NTNG1: variants seen among roughly 807,000 people sequenced by gnomAD.
The protein encoded by NTNG1 is netrin G1, also known as netrin-G1.
NTNG1 carries 16 observed loss-of-function variants against 54.0 expected under a neutral mutation model. That is an observed-to-expected ratio of 0.30 (90% CI 0.20 to 0.45). The LOEUF (loss-of-function observed/expected upper bound fraction) is 0.45, where lower values mean the gene tolerates loss of function less well. Among genes scored for constraint, NTNG1 ranks in the 20% least tolerant of loss-of-function variants. NTNG1 has a pLI of 1.00. For synonymous variants in NTNG1, 255 were observed against 263.1 expected, an observed-to-expected ratio of 0.97 and a Z score of 0.30; for missense variants, 530 against 678.7, an observed-to-expected ratio of 0.78 and a Z score of 2.43.
intron 3 of NTNG1, among the ~76,000 whole-genome samples, chr1:107,360,101 G>A (rs1453761531): frequency 1.3e-5 from 2 of 152,108 alleles, no homozygotes; most frequent in African/African-American, 4.8e-5. Flanking sequence ...CCTGACAACC[G>A]ACCAACCCTT....
At chr1:107,180,848 G>A (rs999355875) in intron 2 of NTNG1, among the ~76,000 whole-genome samples, 1 of 152,170 alleles carries the variant, frequency 6.6e-6, no homozygotes, top group Non-Finnish European at 1.5e-5. Context: ...TGTGTGGTTA[G>A]TATCGCCTAG....
In NTNG1 at chr1:107,241,725, T is replaced by C. The variant is rs75805736; in HGVS notation, c.247-82557T>C. Among the ~76,000 whole-genome samples the C allele has an allele frequency of 3.9e-4, 60 of 152,262 alleles. No homozygotes were observed. The East Asian group carries it at 0.011, about 28-fold the overall frequency. ...GCACAAGGGCATCACTACTATACCA[T>C]GTTTTAAAAAATTTGATTGCTTAAT... is the stretch of plus-strand genomic sequence containing the variant. On this transcript the variant is annotated intron_variant, in intron 2 of 7. Transcript: ENST00000370068.
intron 3 of NTNG1, among the ~76,000 whole-genome samples, chr1:107,390,438 A>C (rs1171814595): frequency 6.6e-6 from 1 of 152,166 alleles, no homozygotes; most frequent in African/African-American, 2.4e-5. Context: ...ACATTGTTTA[A>C]GAAGCTCTTG....
chr1:107,294,366 G>A (rs916790569), intron 2 of NTNG1, among the ~76,000 whole-genome samples: 2 of 152,158 alleles, frequency 1.3e-5, no homozygotes, highest in South Asian at 2.1e-4. Flanking sequence ...TTGCACCCCC[G>A]AGGGAGTCCC....
chr1:107,345,352 A>G (rs1669154047), intron 3 of NTNG1, among the ~76,000 whole-genome samples: 1 of 152,174 alleles, frequency 6.6e-6, no homozygotes, highest in African/African-American at 2.4e-5. Flanking sequence ...ACTGACCCTT[A>G]TTATTCTTTG....
chr1:107,154,154 A>G, intron 2 of NTNG1, among the ~76,000 whole-genome samples: 1 of 152,296 alleles, frequency 6.6e-6, no homozygotes, highest in Admixed American at 6.5e-5. Context: ...GTGTGTATAC[A>G]GAGGGTAGAA....
At chr1:107,458,071 C>T (rs1677062452) in intron 7 of NTNG1, among the ~76,000 whole-genome samples, 1 of 152,096 alleles carries the variant, frequency 6.6e-6, no homozygotes, top group South Asian at 2.1e-4. Context: ...AACATGTTCG[C>T]ATCTAAAAGT....
At chr1:107,344,012 C>A (rs1026394449) in intron 3 of NTNG1, among the ~76,000 whole-genome samples, 1 of 151,916 alleles carries the variant, frequency 6.6e-6, no homozygotes, top group Non-Finnish European at 1.5e-5. Context: ...AACAATGATC[C>A]TGAGTCCTTA....
intron 3 of NTNG1, among the ~76,000 whole-genome samples, chr1:107,394,946 G>A (rs1357464505): frequency 6.6e-6 from 1 of 152,096 alleles, no homozygotes; most frequent in Non-Finnish European, 1.5e-5. Flanking sequence ...TACAGTGTAA[G>A]GACAGACTAC....
At chr1:107,247,056 A>G (rs1298452849) in intron 2 of NTNG1, among the ~76,000 whole-genome samples, 1 of 152,138 alleles carries the variant, frequency 6.6e-6, no homozygotes, top group Admixed American at 6.5e-5. Flanking sequence ...ATTTTTCACT[A>G]AAGTACATTT....
intron 2 of NTNG1, among the ~76,000 whole-genome samples, chr1:107,284,832 A>C (rs534427777): frequency 3.9e-5 from 6 of 152,194 alleles, no homozygotes; most frequent in Middle Eastern, 6.8e-3. Flanking sequence ...AAAAGTGAAG[A>C]ATTACAAAGG....
intron 4 of NTNG1, among the ~76,000 whole-genome samples, chr1:107,396,815 T>C (rs750988899): frequency 6.6e-6 from 1 of 152,188 alleles, no homozygotes; most frequent in Non-Finnish European, 1.5e-5. Context: ...TCACAAACAC[T>C]TCCTGGCATT....
chr1:107,170,553 A>G (rs1315610440), intron 2 of NTNG1, among the ~76,000 whole-genome samples: 1 of 152,160 alleles, frequency 6.6e-6, no homozygotes, highest in Non-Finnish European at 1.5e-5. Flanking sequence ...TTTAAATGGC[A>G]GATTTAGCAT....
intron 2 of NTNG1, among the ~76,000 whole-genome samples, chr1:107,294,361 C>G (rs577019390): frequency 2.0e-5 from 3 of 152,288 alleles, no homozygotes; most frequent in South Asian, 2.1e-4. Context: ...CCATGTTGCA[C>G]CCCCGAGGGA....
intron 3 of NTNG1, among the ~76,000 whole-genome samples, chr1:107,391,789 G>A (rs1400076256): frequency 6.6e-6 from 1 of 152,084 alleles, no homozygotes; most frequent in Non-Finnish European, 1.5e-5. Context: ...CACAATGAGG[G>A]CACCAAGCCT....
chr1:107,427,069 G>A (rs1017805983), intron 5 of NTNG1, among the ~76,000 whole-genome samples: 1 of 151,998 alleles, frequency 6.6e-6, no homozygotes, highest in Non-Finnish European at 1.5e-5. Context: ...AATCAGTCTA[G>A]GATTCTCCTA....
intron 7 of NTNG1, among the ~76,000 whole-genome samples, chr1:107,471,492 T>C (rs1278451333): frequency 6.6e-6 from 1 of 152,190 alleles, no homozygotes; most frequent in Non-Finnish European, 1.5e-5. Flanking sequence ...TATGGAGCAG[T>C]AGATGCAGGT....
intron 2 of NTNG1, among the ~76,000 whole-genome samples, chr1:107,211,220 G>C (rs1216765119): frequency 6.6e-6 from 1 of 151,996 alleles, no homozygotes; most frequent in African/African-American, 2.4e-5. Flanking sequence ...ACGTCTCCTG[G>C]AATCTTTCTC....
intron 3 of NTNG1, among the ~76,000 whole-genome samples, chr1:107,343,529 C>G (rs1669039819): frequency 6.6e-6 from 1 of 151,666 alleles, no homozygotes; most frequent in African/African-American, 2.4e-5. Context: ...TTTCATTTCC[C>G]CCTTCTACTT....
Sources: gnomAD v4.1 joint callset for allele counts (sites outside exome capture counted in the v4.1 genomes callset) on GRCh38, gnomAD v4.1.1 for gene constraint, MANE v1.5 for transcripts, NCBI Gene and HGNC (gene_info 2026-07-23, HGNC 2026-07-21) for gene names.